Variants in MDH1B observed in about 807,000 individuals in gnomAD.
The protein encoded by MDH1B is putative malate dehydrogenase 1B.
MDH1B carries 60 observed loss-of-function variants against 61.4 expected under a neutral mutation model. The observed-to-expected ratio is 0.98, with a 90% CI of 0.79 to 1.21. The LOEUF is 1.21. Ranked by LOEUF, MDH1B falls within the 50% of genes most tolerant of loss-of-function variation. MDH1B has a pLI of 0.00. For synonymous variants in MDH1B, 236 were observed against 218.7 expected (o/e 1.08, Z -0.70); for missense variants, 587 against 632.1 (o/e 0.93, Z 0.76).
intron 2 of MDH1B, among the ~76,000 whole-genome samples, chr2:206,760,523 C>T (rs1185578829): frequency 6.6e-6 from 1 of 152,116 alleles, no homozygotes; most frequent in African/African-American, 2.4e-5. Context: ...GCCCCTTCAC[C>T]AAAATCTACA....
At chr2:206,746,998 T>C (rs1688146683) in intron 7 of MDH1B, among the ~76,000 whole-genome samples, 1 of 152,160 alleles carries the variant, frequency 6.6e-6, no homozygotes, top group South Asian at 2.1e-4. Flanking sequence ...CTTTAAGATA[T>C]ACAGAAATAC....
At position 206,738,495 on chromosome 2, in the gene MDH1B, G is replaced by A. The variant is rs202190889; in HGVS notation, c.1545C>T (p.Thr515=). 91 of 1,582,846 alleles carry A rather than the reference G, an allele frequency of 5.7e-5. 1 individual carries two copies. Among genetic ancestry groups the A allele is most frequent in the Middle Eastern group, 5.0e-4 (3 of 5,998 alleles). The stretch of plus-strand genomic sequence containing the variant: ...CCAATTTGATCTGTTAGGATTCCAC[G>A]GTTTTGCCTTCAAATTCTGTAAAAG... ...LEFLNEFEGK[T]VES is the part of the protein sequence containing the mutation. Residue 515 remains threonine (T), a synonymous_variant, in exon 12 of 12, where the codon ACC becomes ACT. Coordinates refer to ENST00000374412, the MANE Select transcript of MDH1B (RefSeq NM_001039845.3).
At chr2:206,749,389 C>G (rs144143282) in intron 6 of MDH1B, among the ~76,000 whole-genome samples, 1 of 151,988 alleles carries the variant, frequency 6.6e-6, no homozygotes, top group East Asian at 1.9e-4. Context: ...AGAAAGGAGT[C>G]CCAAGATGTC....
In MDH1B at chr2:206,739,630, G is replaced by A. The variant is rs1687693958; in HGVS notation, c.1491C>T (p.Thr497=). The A allele has an allele frequency of 6.2e-7, 1 of 1,613,952 alleles. No individual in the cohort carries two copies. Among genetic ancestry groups the A allele is most frequent in the South Asian group, 1.1e-5 (1 of 91,082 alleles). ...CAAGACTCTGTGGCTTTTCAAAGGT[G>A]GTTTGAGGAATCTGATTTGGAAACT... ...AAEFPNQIPQ[T]TFEKPQSLEF... is the part of the protein sequence containing the mutation. Residue 497 remains threonine, a synonymous_variant, in exon 11 of 12, where the codon ACC becomes ACT. Coordinates refer to ENST00000374412, the MANE Select transcript of MDH1B (RefSeq NM_001039845.3).
chr2:206,744,225 G>A (rs987534481), intron 9 of MDH1B, among the ~76,000 whole-genome samples: 7 of 152,218 alleles, frequency 4.6e-5, no homozygotes, highest in African/African-American at 1.7e-4. Context: ...CTCCTCCCAC[G>A]CACCACAGTT....
chr2:206,762,733 A>G (rs1221305430), intron 1 of MDH1B, among the ~76,000 whole-genome samples: 1 of 152,138 alleles, frequency 6.6e-6, no homozygotes, highest in Non-Finnish European at 1.5e-5. Context: ...AATTCTCTTG[A>G]AGGTCACTGA....
At chr2:206,765,171 T>C in intron 1 of MDH1B, 79 bp downstream of exon 1, 1 of 1,556,516 alleles carries the variant, frequency 6.4e-7, no homozygotes, top group East Asian at 2.4e-5. Context: ...GTATAGAGGC[T>C]GCCAAGCCGA....
intron 6 of MDH1B, among the ~76,000 whole-genome samples, chr2:206,750,485 C>T (rs1440961789): frequency 6.6e-6 from 1 of 151,544 alleles, no homozygotes; most frequent in Non-Finnish European, 1.5e-5. Flanking sequence ...GTGAGAATCC[C>T]AGCCTGGGTG....
chr2:206,765,124 A>T, intron 1 of MDH1B, 126 bp downstream of exon 1: 2 of 1,234,010 alleles, frequency 1.6e-6, no homozygotes, highest in Non-Finnish European at 2.2e-6. Context: ...CCAGTAAAAA[A>T]CTTTGAATAA....
intron 6 of MDH1B, among the ~76,000 whole-genome samples, chr2:206,750,320 C>T (rs903470996): frequency 6.7e-6 from 1 of 149,192 alleles, no homozygotes; most frequent in African/African-American, 2.5e-5. Context: ...ATAGGGAGGA[C>T]CCTTATCATG....
intron 5 of MDH1B, among the ~76,000 whole-genome samples, chr2:206,754,700 G>A (rs1688654682): frequency 6.6e-6 from 1 of 152,038 alleles, no homozygotes; most frequent in Admixed American, 6.5e-5. Context: ...TAAAACACTG[G>A]TTATCTTAAT....
At chr2:206,741,429 G>C in intron 9 of MDH1B, 1 of 349,076 alleles carries the variant, frequency 2.9e-6, no homozygotes, top group South Asian at 2.4e-5. Context: ...TCAGTGGGCT[G>C]GGGAAGACAG....
chr2:206,757,492 A>G (rs1441489586), intron 2 of MDH1B, 121 bp from the exon 3 acceptor site: 3 of 705,870 alleles, frequency 4.3e-6, no homozygotes, highest in Admixed American at 6.1e-5. Flanking sequence ...TACACATAAT[A>G]TAATTTAGAT....
intron 5 of MDH1B, among the ~76,000 whole-genome samples, chr2:206,753,435 A>G (rs1410093126): frequency 6.6e-6 from 1 of 152,122 alleles, no homozygotes; most frequent in Admixed American, 6.5e-5. Context: ...GGTGTGAGCC[A>G]TGGTACCTGG....
chr2:206,738,491 C>A lies in MDH1B; in HGVS notation c.1549G>T (p.Glu517Ter). 2 of 1,583,714 alleles carry A rather than the reference C, an allele frequency of 1.3e-6. No individual in the cohort carries two copies. Among genetic ancestry groups the A allele is most frequent in the South Asian group, 1.1e-5 (1 of 87,570 alleles). The change falls in exon 12 of 12, where the codon GAA (glutamate) becomes TAA (stop). Residue 517 changes from glutamate (E) to a stop codon, truncating the protein, a stop_gained. Transcript: ENST00000374412. LOFTEE classifies it high-confidence loss of function. ...FLNEFEGKTVES is the reference protein window; with the variant it reads ...FLNEFEGKTV ...TCATCCAATTTGATCTGTTAGGATTCCACGGTTTTGCCTTCAAATTCTGTA... is the reference window on the plus strand; with the variant it reads ...TCATCCAATTTGATCTGTTAGGATTACACGGTTTTGCCTTCAAATTCTGTA...
intron 9 of MDH1B, among the ~76,000 whole-genome samples, chr2:206,742,875 C>A (rs556961790): frequency 1.3e-5 from 2 of 152,102 alleles, no homozygotes; most frequent in African/African-American, 4.8e-5. Flanking sequence ...CCATGCCTGG[C>A]TAATTTTGTT....
At chr2:206,752,184 C>T (rs1430062427) in intron 5 of MDH1B, among the ~76,000 whole-genome samples, 1 of 152,138 alleles carries the variant, frequency 6.6e-6, no homozygotes, top group Non-Finnish European at 1.5e-5. Flanking sequence ...CAGTTGTGTT[C>T]AAGGGCAGGC....
rs1456868650 is a variant in MDH1B at position 206,741,283 on chromosome 2, A to G, written c.1409-179T>C. The G allele has an allele frequency of 3.9e-6, 3 of 762,272 alleles. No individual in the cohort carries two copies. In the South Asian group the frequency reaches 5.1e-5, roughly 13 times the overall value. The allele number at this position is 762,272 out of a possible 1,614,324, so 47.2% of individuals were successfully genotyped here. ...TGTGTACATATTAATGAAACAAAAA[A>G]ATACATGAAATAATACTTATCTTTT... On this transcript the variant is annotated intron_variant, in intron 9 of 11. Transcript: ENST00000374412.
intron 5 of MDH1B, among the ~76,000 whole-genome samples, chr2:206,753,273 T>C (rs771234184): frequency 6.6e-6 from 1 of 152,158 alleles, no homozygotes; most frequent in Non-Finnish European, 1.5e-5. Context: ...GGAAAAAAGT[T>C]CTCTACTTGA....
Sources: gnomAD v4.1 joint callset for allele counts (sites outside exome capture counted in the v4.1 genomes callset) on GRCh38, gnomAD v4.1.1 for gene constraint, MANE v1.5 for transcripts, NCBI Gene and HGNC (gene_info 2026-07-23, HGNC 2026-07-21) for gene names.